AVEN: variants seen among roughly 807,000 people sequenced by gnomAD.
The protein encoded by AVEN is cell death regulator Aven.
A neutral mutation model predicts 38.1 loss-of-function variants in AVEN; 41 were observed. The ratio of observed to expected loss-of-function variants is 1.08; its 90% confidence interval spans 0.84 to 1.40. The LOEUF is 1.40. Ranked by LOEUF, AVEN falls within the 40% of genes most tolerant of loss-of-function variation. AVEN has a pLI of 0.00. For synonymous variants in AVEN, 206 were observed against 171.8 expected (o/e 1.20, Z -1.56); for missense variants, 605 against 438.8 (o/e 1.38, Z -3.38).
downstream of AVEN, among the ~76,000 whole-genome samples, chr15:33,862,396 G>A (rs60091659): frequency 0.043 from 6,541 of 151,862 alleles, 414 homozygotes; most frequent in African/African-American, 0.13. Context: ...TGGTAGAGAA[G>A]GGGCTTTGCT....
chr15:33,931,586 G>A (rs1024019168), intron 2 of AVEN, among the ~76,000 whole-genome samples: 2 of 151,864 alleles, frequency 1.3e-5, no homozygotes, highest in Non-Finnish European at 2.9e-5. Flanking sequence ...TAGCCAGGAT[G>A]GTCTTGATCT....
intron 1 of AVEN, among the ~76,000 whole-genome samples, chr15:34,017,306 A>G (rs1428249963): frequency 6.6e-6 from 1 of 152,132 alleles, no homozygotes; most frequent in East Asian, 1.9e-4. Flanking sequence ...TTTAAACAGC[A>G]TGGAGATCTC....
chr15:33,853,729 G>A, the AVEN span: 1 of 1,581,870 alleles, frequency 6.3e-7, no homozygotes, highest in South Asian at 1.1e-5. Context: ...AAAATAGATA[G>A]ATCTTTGCTT....
At chr15:34,040,997 C>T (rs936137594), upstream of AVEN, among the ~76,000 whole-genome samples, 4 of 152,028 alleles carry the variant, frequency 2.6e-5, no homozygotes, top group Non-Finnish European at 5.9e-5. Context: ...TAAATATCTA[C>T]CAGCATATCA....
chr15:33,917,705 G>T (rs1402588492), intron 2 of AVEN, among the ~76,000 whole-genome samples: 1 of 152,072 alleles, frequency 6.6e-6, no homozygotes, highest in Non-Finnish European at 1.5e-5. Flanking sequence ...TGGAATTGGA[G>T]ATTACTATTC....
intron 3 of AVEN, among the ~76,000 whole-genome samples, chr15:33,874,491 G>C (rs191893351): frequency 1.2e-4 from 18 of 151,930 alleles, no homozygotes; most frequent in Non-Finnish European, 2.9e-5. Context: ...ACCAAGACCC[G>C]TTCAAATGAT....
At chr15:33,986,345 G>A (rs973647809) in intron 2 of AVEN, among the ~76,000 whole-genome samples, 3 of 151,888 alleles carry the variant, frequency 2.0e-5, no homozygotes, top group African/African-American at 4.8e-5. Context: ...TCCTGACCTC[G>A]TGATCCACCC....
intron 2 of AVEN, among the ~76,000 whole-genome samples, chr15:33,978,048 C>T (rs549921912): frequency 1.3e-5 from 2 of 149,472 alleles, no homozygotes; most frequent in Non-Finnish European, 1.5e-5. Flanking sequence ...GAGGAGGAAG[C>T]GAGAGAGGTA....
chr15:33,949,395 A>G (rs1029750000), intron 2 of AVEN, among the ~76,000 whole-genome samples: 2 of 152,232 alleles, frequency 1.3e-5, no homozygotes, highest in Non-Finnish European at 2.9e-5. Context: ...CAAAATATCT[A>G]TAAGATTTGG....
At chr15:33,865,099 A>AAAAT (rs1567373990), downstream of AVEN, 2 of 1,559,814 alleles carry the variant, frequency 1.3e-6, no homozygotes, top group Admixed American at 1.7e-5. Flanking sequence ...CTGTGGTTTA[A>AAAAT]AAATAAGCAC....
intron 2 of AVEN, among the ~76,000 whole-genome samples, chr15:33,904,716 T>TACACACACATACACACAC (rs1892628524): frequency 7.0e-6 from 1 of 143,292 alleles, no homozygotes; most frequent in African/African-American, 2.6e-5. Flanking sequence ...TATATATATA[T>TACACACACATACACACAC]ACACACACAC....
intron 1 of AVEN, among the ~76,000 whole-genome samples, chr15:34,010,485 C>A (rs1425103725): frequency 6.6e-6 from 1 of 152,064 alleles, no homozygotes; most frequent in Admixed American, 6.6e-5. Flanking sequence ...TGTTTAAGAA[C>A]CTAGTTTTTG....
At chr15:33,936,391 G>T (rs1044096410) in intron 2 of AVEN, among the ~76,000 whole-genome samples, 1 of 151,992 alleles carries the variant, frequency 6.6e-6, no homozygotes, top group African/African-American at 2.4e-5. Context: ...CAATCCTTGC[G>T]TTATACCAAA....
downstream of AVEN, chr15:33,854,642 C>G: frequency 7.7e-7 from 1 of 1,300,608 alleles, no homozygotes; most frequent in Non-Finnish European, 1.1e-6. Flanking sequence ...TGGGCCAGCT[C>G]ACAGCACCTC....
At chr15:33,948,375 G>T (rs184828056) in intron 2 of AVEN, among the ~76,000 whole-genome samples, 1 of 151,306 alleles carries the variant, frequency 6.6e-6, no homozygotes, top group East Asian at 1.9e-4. Context: ...GATTACAGGC[G>T]TGAGCCACCA....
At chr15:33,940,919 CAA>C (rs1894295743) in intron 2 of AVEN, among the ~76,000 whole-genome samples, 1 of 152,208 alleles carries the variant, frequency 6.6e-6, no homozygotes, top group Non-Finnish European at 1.5e-5. Flanking sequence ...TAACTTCCAA[CAA>C]ACCTCTTGCT....
At chr15:33,947,684 A>G (rs1048485334) in intron 2 of AVEN, among the ~76,000 whole-genome samples, 1 of 152,072 alleles carries the variant, frequency 6.6e-6, no homozygotes, top group Non-Finnish European at 1.5e-5. Context: ...TAGTTTTACT[A>G]TTTTTTTATA....
downstream of AVEN, chr15:33,865,731 G>GA (rs1320551877): frequency 6.5e-6 from 1 of 153,112 alleles, no homozygotes; most frequent in Non-Finnish European, 1.5e-5. Flanking sequence ...TAAAGAAACA[G>GA]AAAAAAACCG....
At chr15:33,991,204 A>G in intron 2 of AVEN, 1 of 152,230 alleles carries the variant, frequency 6.6e-6, no homozygotes, top group East Asian at 1.9e-4. Context: ...TGACGGTATT[A>G]AATCCAATAA....
Sources: allele counts gnomAD v4.1 joint callset (sites outside exome capture counted in the v4.1 genomes callset), GRCh38; gene constraint gnomAD v4.1.1; transcripts MANE v1.5; gene names NCBI Gene and HGNC (gene_info 2026-07-23, HGNC 2026-07-21).